Variants in EPHB2 observed in about 807,000 individuals in gnomAD.
EPHB2 encodes the protein ephrin type-B receptor 2.
EPHB2 carries 18 observed loss-of-function variants against 96.4 expected under a neutral mutation model. That is an observed-to-expected ratio of 0.19 (90% confidence interval 0.13 to 0.28). EPHB2 has a LOEUF of 0.28. EPHB2 is among the 10% of genes least tolerant of loss of function. The pLI, the probability that EPHB2 is intolerant of heterozygous loss-of-function variation, is 1.00. For synonymous variants in EPHB2, 506 were observed against 534.1 expected (o/e 0.95, Z 0.72); for missense variants, 989 against 1,355.4 (o/e 0.73, Z 4.25).
intron 1 of EPHB2, among the ~76,000 whole-genome samples, chr1:22,780,892 C>T (rs1644519747): frequency 1.3e-5 from 2 of 151,926 alleles, no homozygotes. Flanking sequence ...AGATGATTGG[C>T]TAGGCTGTGG....
At chr1:22,911,233 GTTTCCT>G (rs1374167008) in intron 14 of EPHB2, among the ~76,000 whole-genome samples, 4 of 152,282 alleles carry the variant, frequency 2.6e-5, no homozygotes, top group African/African-American at 9.6e-5. Flanking sequence ...CTGTCACTAA[GTTTCCT>G]TCCTAGCTAC....
intron 7 of EPHB2, 134 bp downstream of exon 7, chr1:22,893,180 C>G: frequency 2.2e-6 from 3 of 1,388,186 alleles, no homozygotes; most frequent in Non-Finnish European, 3.0e-6. Context: ...CCCTCCCTCC[C>G]TCCTAATTTC....
rs563638151 is a variant in EPHB2 at position 22,776,602 on chromosome 1, A to C, written c.62-4819A>C. ...GATGTTCCGTACTTTGCAGACAAAC[A>C]TTTTTAATTGTAGTAGTCTGTGTTT... On this transcript the variant is annotated intron_variant, in intron 1 of 15. Coordinates refer to ENST00000374630, the MANE Select transcript of EPHB2 (RefSeq NM_017449.5). Among the ~76,000 whole-genome samples, 59 of 152,354 alleles carry C rather than the reference A, an allele frequency of 3.9e-4. 1 individual carries two copies. In the South Asian group the frequency reaches 0.012, roughly 31 times the overall value.
chr1:22,888,073 T>G (rs1639283144), intron 6 of EPHB2, among the ~76,000 whole-genome samples: 2 of 151,998 alleles, frequency 1.3e-5, no homozygotes, highest in African/African-American at 4.8e-5. Context: ...GACAACAGAG[T>G]TTTGCTCTTG....
intron 3 of EPHB2, among the ~76,000 whole-genome samples, chr1:22,822,913 C>G (rs1416160831): frequency 6.6e-6 from 1 of 152,252 alleles, no homozygotes. Flanking sequence ...ATGTAGTTCC[C>G]TCTGCGTGGC....
At chr1:22,799,961 C>A (rs1367214217) in intron 3 of EPHB2, among the ~76,000 whole-genome samples, 1 of 152,212 alleles carries the variant, frequency 6.6e-6, no homozygotes, top group Non-Finnish European at 1.5e-5. Flanking sequence ...ATCTGATTAG[C>A]AACATTTTAA....
At chr1:22,879,056 C>A (rs970723103) in intron 5 of EPHB2, among the ~76,000 whole-genome samples, 5 of 152,214 alleles carry the variant, frequency 3.3e-5, no homozygotes, top group Non-Finnish European at 7.3e-5. Flanking sequence ...TTTCAAGGAG[C>A]CCTGGAGGCT....
chr1:22,890,959 A>G (rs921367056), intron 6 of EPHB2, among the ~76,000 whole-genome samples: 22 of 152,168 alleles, frequency 1.4e-4, no homozygotes, highest in African/African-American at 5.1e-4. Flanking sequence ...AGTCTTGGGT[A>G]TGTGTGTATA....
At chr1:22,829,293 C>T (rs1307320565) in intron 3 of EPHB2, among the ~76,000 whole-genome samples, 4 of 152,264 alleles carry the variant, frequency 2.6e-5, no homozygotes, top group Non-Finnish European at 4.4e-5. Flanking sequence ...CCTCCCCACC[C>T]CTAGCACACA....
chr1:22,850,495 G>A (rs1645610300), intron 3 of EPHB2, among the ~76,000 whole-genome samples: 1 of 152,234 alleles, frequency 6.6e-6, no homozygotes, highest in African/African-American at 2.4e-5. Flanking sequence ...GCAGCCAGAT[G>A]TGCGGGAGGG....
chr1:22,711,291 G>C (rs1239764632), intron 1 of EPHB2, among the ~76,000 whole-genome samples: 1 of 147,664 alleles, frequency 6.8e-6, no homozygotes, highest in Non-Finnish European at 1.5e-5. Flanking sequence ...AGGCTTTGTA[G>C]CCAGCCCGGC....
chr1:22,913,729 G>C lies in EPHB2; in HGVS notation c.*159G>C. On this transcript the variant is annotated 3_prime_UTR_variant, in exon 16 of 16. Coordinates refer to ENST00000374630, the MANE Select transcript of EPHB2 (RefSeq NM_017449.5). This position sits in a 1 kb window ranked among gnomAD's most constrained non-coding sequence, Gnocchi z 4.1. ...GGTGCCAGCCACGAGACGTCACCAA[G>C]AAAACATGCAACTCAAACGACGGAA... 6.2e-7 allele frequency: 1 copy of C among 1,602,310 alleles called. No homozygotes were observed. Among genetic ancestry groups the C allele is most frequent in the Non-Finnish European group, 8.5e-7 (1 of 1,174,682 alleles).
intron 3 of EPHB2, among the ~76,000 whole-genome samples, chr1:22,813,681 A>G (rs1645033887): frequency 6.6e-6 from 1 of 152,214 alleles, no homozygotes; most frequent in African/African-American, 2.4e-5. Flanking sequence ...CAGCCATGTG[A>G]CCACAGCAAG....
Position 22,891,579 on chromosome 1 carries a change from A to G in EPHB2, c.1429-1305A>G, listed in dbSNP as rs564200816. Among the ~76,000 whole-genome samples, 8 of 152,344 alleles carry G rather than the reference A, an allele frequency of 5.3e-5. No homozygotes were observed. The South Asian group carries it at 1.7e-3, about 32-fold the overall frequency. ...GCGGCTGACAGATGCCTAAACGAGC[A>G]TCATCTGTATCTGATCCAACCACAT... is the stretch of plus-strand genomic sequence containing the variant. On this transcript the variant is annotated intron_variant, in intron 6 of 15. Coordinates refer to ENST00000374630, the MANE Select transcript of EPHB2 (RefSeq NM_017449.5).
chr1:22,817,013 C>T (rs943952558), intron 3 of EPHB2, among the ~76,000 whole-genome samples: 27 of 152,190 alleles, frequency 1.8e-4, no homozygotes, highest in African/African-American at 6.0e-4. Flanking sequence ...AATCACTGGC[C>T]GCTGGCTGAG....
intron 5 of EPHB2, among the ~76,000 whole-genome samples, chr1:22,870,115 A>G (rs556756138): frequency 2.6e-5 from 4 of 152,298 alleles, no homozygotes; most frequent in South Asian, 2.1e-4. Context: ...CTAAAATTCA[A>G]TATATAAATA....
chr1:22,913,614 C>G lies in EPHB2; in HGVS notation c.*44C>G. 6.2e-7 allele frequency: 1 copy of G among 1,611,780 alleles called. No individual in the cohort carries two copies. The highest frequency in any genetic ancestry group is 8.5e-7 in the Non-Finnish European group (1 of 1,178,986). ...CACCTCTTCCTCCAAGCCCCGCCCC[C>G]TCTGCCCCACGTGCCGGCCCTCCTG... On this transcript the variant is annotated 3_prime_UTR_variant, in exon 16 of 16. Transcript: ENST00000374630. The surrounding 1 kb of genome is among the most constrained non-coding windows in gnomAD (Gnocchi z 4.1).
intron 3 of EPHB2, among the ~76,000 whole-genome samples, chr1:22,819,357 C>G (rs1220071736): frequency 6.6e-6 from 1 of 152,114 alleles, no homozygotes; most frequent in African/African-American, 2.4e-5. Flanking sequence ...CCCTTTCTGC[C>G]CCAAGACTTC....
At chr1:22,903,871 G>A (rs1385864782) in intron 9 of EPHB2, among the ~76,000 whole-genome samples, 1 of 152,224 alleles carries the variant, frequency 6.6e-6, no homozygotes, top group Non-Finnish European at 1.5e-5. Context: ...CCTCCTCCCA[G>A]GCACTCACAG....
Sources: allele counts gnomAD v4.1 joint callset (sites outside exome capture counted in the v4.1 genomes callset), GRCh38; gene constraint gnomAD v4.1.1; non-coding constraint Gnocchi (gnomAD v3.1); transcripts MANE v1.5; gene names NCBI Gene and HGNC (gene_info 2026-07-23, HGNC 2026-07-21).